Variants in SDK2 observed in about 807,000 individuals in gnomAD.
SDK2 encodes the protein sidekick cell adhesion molecule 2.
Under a neutral mutation model 253.9 loss-of-function variants are expected in SDK2, and 105 were observed. That is an observed-to-expected ratio of 0.41 (90% confidence interval 0.35 to 0.49). The LOEUF is 0.49. Among genes scored for constraint, SDK2 ranks in the 20% least tolerant of loss-of-function variants. The pLI is 0.06. For missense variants in SDK2, 2,608 were observed against 3,003.0 expected (o/e 0.87, Z 3.07); for synonymous variants, 1,249 against 1,234.9 (o/e 1.01, Z -0.24).
chr17:73,601,928 G>C lies in SDK2; in HGVS notation c.64+42097C>G, dbSNP rs374344179. ...CCGGCTAATTTTTGTATCTTTAGTA[G>C]AGATGGGATTTTGCCATGTTGGCCA... On this transcript the variant is annotated intron_variant, in intron 1 of 44. Transcript: ENST00000392650. 5.9e-5 allele frequency among the ~76,000 whole-genome samples: 9 copies of C among 152,064 alleles called. No homozygotes were observed. The East Asian group carries it at 1.7e-3, about 29-fold the overall frequency.
Position 73,394,329 on chromosome 17 carries a change from G to A in SDK2, c.3593-5C>T, listed in dbSNP as rs1018377143. 7.7e-6 allele frequency: 12 copies of A among 1,560,860 alleles called. No individual in the cohort carries two copies. The East Asian group carries it at 1.8e-4, about 24-fold the overall frequency. ...TGGTGGGGCCGGAAGAGGGAACTGTGGGGGAAAGGGAGTGGAGAGAAGGCA... is the reference window on the plus strand; with the variant it reads ...TGGTGGGGCCGGAAGAGGGAACTGTAGGGGAAAGGGAGTGGAGAGAAGGCA... On this transcript the variant is annotated splice_region_variant and splice_polypyrimidine_tract_variant and intron_variant, in intron 25 of 44. Transcript: ENST00000392650.
At chr17:73,442,691 C>G (rs2145634929) in intron 5 of SDK2, among the ~76,000 whole-genome samples, 1 of 152,188 alleles carries the variant, frequency 6.6e-6, no homozygotes, top group East Asian at 1.9e-4. Flanking sequence ...AGAAGGATGC[C>G]TGGCACACAG....
Position 73,378,370 on chromosome 17 carries a change from GGA to G in SDK2, c.4980+805_4980+806del, listed in dbSNP as rs1352987146. ...GCCCACCTTGGCCTCCTAAAGTGCG[GGA>G]ATTACAGGTGTGAGCCACCACACAC... On this transcript the variant is annotated intron_variant, in intron 36 of 44. Transcript: ENST00000392650. Among the ~76,000 whole-genome samples the G allele has an allele frequency of 4.2e-3, 635 of 152,110 alleles. 25 individuals are homozygous for G. In the East Asian group the frequency reaches 0.088, roughly 21 times the overall value.
rs928017049 is a variant in SDK2 at position 73,639,642 on chromosome 17, C to T, written c.64+4383G>A. On this transcript the variant is annotated intron_variant, in intron 1 of 44. Coordinates refer to ENST00000392650, the MANE Select transcript of SDK2 (RefSeq NM_001144952.2). This position sits in a 1 kb window ranked among gnomAD's most constrained non-coding sequence, Gnocchi z 4.3. ...TCCAGGGGGAGCGGGGTAGAAACCC[C>T]GCAGGGCGCACACTAACACCCGACA... Among the ~76,000 whole-genome samples, 1 of 152,128 alleles carries T rather than the reference C, an allele frequency of 6.6e-6. No homozygotes were observed. The highest frequency in any genetic ancestry group is 1.5e-5 in the Non-Finnish European group (1 of 68,012).
intron 28 of SDK2, 110 bp downstream of exon 28, chr17:73,391,330 G>T: frequency 2.1e-6 from 1 of 484,372 alleles, no homozygotes. Flanking sequence ...AGGGGATGTG[G>T]AGGCTCCCTG....
chr17:73,405,519 A>AAAAAAT (rs2063069635), intron 18 of SDK2, among the ~76,000 whole-genome samples: 1 of 87,184 alleles, frequency 1.1e-5, no homozygotes, highest in African/African-American at 4.4e-5. Flanking sequence ...TATATATATA[A>AAAAAAT]AGATCGAGAA....
intron 21 of SDK2, 73 bp from the exon 22 acceptor site, chr17:73,399,362 C>T (rs2063002250): frequency 3.3e-6 from 5 of 1,503,006 alleles, no homozygotes; most frequent in South Asian, 1.2e-5. Flanking sequence ...GACTGTTGGG[C>T]ATGGAGGGGG....
chr17:73,483,667 A>C (rs1229079494), intron 2 of SDK2, among the ~76,000 whole-genome samples: 1 of 64,940 alleles, frequency 1.5e-5, no homozygotes, highest in African/African-American at 6.3e-5. Context: ...GTGTGTATAT[A>C]TATATATATA....
intron 1 of SDK2, among the ~76,000 whole-genome samples, chr17:73,631,988 C>A (rs2046277335): frequency 6.6e-6 from 1 of 152,176 alleles, no homozygotes; most frequent in South Asian, 2.1e-4. Context: ...AAGACAGCTC[C>A]TCTAATGGTT....
chr17:73,567,486 C>T (rs2045328290), intron 1 of SDK2, among the ~76,000 whole-genome samples: 2 of 152,288 alleles, frequency 1.3e-5, no homozygotes, highest in Non-Finnish European at 2.9e-5. Context: ...CACCGGGACA[C>T]TGCCTGGTGA....
At chr17:73,372,784 C>CA (rs1170703734) in intron 36 of SDK2, among the ~76,000 whole-genome samples, 1 of 151,894 alleles carries the variant, frequency 6.6e-6, no homozygotes, top group Non-Finnish European at 1.5e-5. Context: ...AAAAAAACCC[C>CA]AAAAAACTGT....
rs943844634 is a variant in SDK2, at chr17:73,465,457, T to A, written c.331+6655A>T. Among the ~76,000 whole-genome samples, 3 of 152,070 alleles carry A rather than the reference T, an allele frequency of 2.0e-5. No individual in the cohort carries two copies. The highest frequency in any genetic ancestry group is 2.1e-4 in the South Asian group (1 of 4,824). On this transcript the variant is annotated intron_variant, in intron 3 of 44. Transcript: ENST00000392650. The surrounding 1 kb of genome is among the most constrained non-coding windows in gnomAD (Gnocchi z 4.2). Reference sequence around the variant, plus strand: ...CCTGGATGTGGTGAAACGCTGGCTGTGGTGAAACGCTGGCTCGAGGTCCTC... The same window carrying A: ...CCTGGATGTGGTGAAACGCTGGCTGAGGTGAAACGCTGGCTCGAGGTCCTC...
intron 1 of SDK2, among the ~76,000 whole-genome samples, chr17:73,589,392 T>C (rs1232758610): frequency 1.3e-5 from 2 of 152,182 alleles, no homozygotes; most frequent in East Asian, 3.9e-4. Flanking sequence ...AGCTGGGTAT[T>C]GAGGTGTGGG....
At chr17:73,528,142 C>T (rs2064141014) in intron 1 of SDK2, among the ~76,000 whole-genome samples, 1 of 152,130 alleles carries the variant, frequency 6.6e-6, no homozygotes, top group South Asian at 2.1e-4. Flanking sequence ...CTAGCCAGTC[C>T]TGGACCCCAG....
chr17:73,437,941 CT>C (rs1421496713), intron 7 of SDK2, 22 bp downstream of exon 7: 10 of 1,559,002 alleles, frequency 6.4e-6, no homozygotes, highest in Non-Finnish European at 8.7e-6. Context: ...CAGGGGAGCC[CT>C]AGCAGCCCCA....
rs564106845 is a variant in SDK2, at chr17:73,350,911, G to A, written c.5759-121C>T. The stretch of plus-strand genomic sequence containing the variant: ...TGGGAAGGCAGGGTCTGTACCCTCC[G>A]AATGAGGCAGAACCTCTGTAAGGAC... On this transcript the variant is annotated intron_variant, in intron 41 of 44. Coordinates refer to ENST00000392650, the MANE Select transcript of SDK2 (RefSeq NM_001144952.2). 2.1e-4 allele frequency: 203 copies of A among 981,422 alleles called. 2 individuals carry two copies. In the African/African-American group the frequency reaches 2.8e-3, roughly 14 times the overall value. 60.8% of individuals were successfully genotyped at this position (981,422 alleles called of 1,614,324 possible).
At chr17:73,479,344 C>CCT (rs886674272) in intron 2 of SDK2, among the ~76,000 whole-genome samples, 2 of 151,608 alleles carry the variant, frequency 1.3e-5, no homozygotes, top group Admixed American at 6.6e-5. Flanking sequence ...CATGTCTGTG[C>CCT]GTGTGTGTGT....
Position 73,589,388 on chromosome 17 carries a change from G to A in SDK2, c.64+54637C>T, listed in dbSNP as rs543502614. 7.5e-4 allele frequency among the ~76,000 whole-genome samples: 114 copies of A among 152,336 alleles called. 1 individual carries two copies. Among genetic ancestry groups the A allele is most frequent in the South Asian group, 1.9e-3 (9 of 4,828 alleles). On this transcript the variant is annotated intron_variant, in intron 1 of 44. Coordinates refer to ENST00000392650, the MANE Select transcript of SDK2 (RefSeq NM_001144952.2). The stretch of plus-strand genomic sequence containing the variant: ...GAGGGTGACCCTGTTGGGGAGCTGG[G>A]TATTGAGGTGTGGGGCAGATTTGCA...
At chr17:73,402,822 G>C (rs763180686) in intron 18 of SDK2, among the ~76,000 whole-genome samples, 7 of 151,868 alleles carry the variant, frequency 4.6e-5, no homozygotes, top group Non-Finnish European at 7.4e-5. Flanking sequence ...TTTTGAGACA[G>C]AGTCTTACTT....
Sources: gnomAD v4.1 joint callset for allele counts (sites outside exome capture counted in the v4.1 genomes callset) on GRCh38, gnomAD v4.1.1 for gene constraint, Gnocchi (gnomAD v3.1) non-coding constraint, MANE v1.5 for transcripts, NCBI Gene and HGNC (gene_info 2026-07-23, HGNC 2026-07-21) for gene names.